Variants in TUBGCP3 observed in about 807,000 individuals in gnomAD.
TUBGCP3 encodes the protein tubulin gamma complex component 3.
A neutral mutation model predicts 123.1 loss-of-function variants in TUBGCP3; 50 were observed. The ratio of observed to expected loss-of-function variants is 0.41; its 90% CI spans 0.32 to 0.51. The LOEUF (loss-of-function observed/expected upper bound fraction) is 0.51. TUBGCP3 is among the 20% of genes least tolerant of loss of function. TUBGCP3 has a pLI of 0.36. For synonymous variants in TUBGCP3, 405 were observed against 413.9 expected (o/e 0.98, Z 0.26); for missense variants, 882 against 1,127.0 (o/e 0.78, Z 3.11).
upstream of TUBGCP3, among the ~76,000 whole-genome samples, chr13:112,588,474 G>A (rs1281986917): frequency 6.6e-6 from 1 of 152,144 alleles, no homozygotes; most frequent in Non-Finnish European, 1.5e-5. Flanking sequence ...GTTTAAAAAA[G>A]AAAAGAAAAA....
At chr13:112,490,017 G>A (rs775904788) in intron 20 of TUBGCP3, among the ~76,000 whole-genome samples, 130 of 150,592 alleles carry the variant, frequency 8.6e-4, no homozygotes, top group African/African-American at 2.9e-3. Flanking sequence ...TCCTTCCCTC[G>A]TGCTGTACAC....
chr13:112,489,435 G>A (rs1047366891), intron 21 of TUBGCP3, 146 bp downstream of exon 21: 1 of 684,882 alleles, frequency 1.5e-6, no homozygotes, highest in Non-Finnish European at 2.6e-6. Context: ...GAGGGTCACA[G>A]GGTCCACCAT....
chr13:112,489,666 T>C lies in TUBGCP3; in HGVS notation c.2480A>G (p.Glu827Gly). The C allele has an allele frequency of 1.9e-6, 3 of 1,614,190 alleles. No individual in the cohort carries two copies. The highest frequency in any genetic ancestry group is 2.5e-6 in the Non-Finnish European group (3 of 1,180,032). The change falls in exon 21 of 22, where the codon GAG (glutamate) becomes GGG (glycine). Residue 827 changes from glutamate to glycine, a missense_variant. This residue lies in a region of TUBGCP3 where 160 missense variants were observed against 220.3 expected (regional missense o/e 0.73). Transcript: ENST00000261965. ...TTCTCCAATCCTCTTATTTTCCTCC[T>C]CTTCCTCTGCTGCCGTCACTCCCCA... The part of the protein sequence containing the change: ...GQWGVTAAEE[E>G]EENKRIGEFK...
At chr13:112,535,690 G>A (rs1279779114) in intron 11 of TUBGCP3, among the ~76,000 whole-genome samples, 1 of 152,130 alleles carries the variant, frequency 6.6e-6, no homozygotes, top group Non-Finnish European at 1.5e-5. Flanking sequence ...CCATTATCAG[G>A]TAAGTGATTT....
At chr13:112,591,450 T>A (rs1265860310), upstream of TUBGCP3, among the ~76,000 whole-genome samples, 2 of 152,206 alleles carry the variant, frequency 1.3e-5, no homozygotes, top group Non-Finnish European at 2.9e-5. Context: ...ACTTCCTTCT[T>A]TTTGTCCCTA....
chr13:112,516,671 A>T, intron 16 of TUBGCP3, 96 bp from the exon 17 acceptor site: 1 of 1,400,936 alleles, frequency 7.1e-7, no homozygotes, highest in Non-Finnish European at 9.6e-7. Flanking sequence ...CATTTTAGCA[A>T]ACTATCATAA....
At chr13:112,600,002 T>A in the TUBGCP3 span, among the ~76,000 whole-genome samples, 1 of 152,186 alleles carries the variant, frequency 6.6e-6, no homozygotes, top group Non-Finnish European at 1.5e-5. Flanking sequence ...TATTAAAACA[T>A]GATTATTAAC....
chr13:112,599,313 A>G, the TUBGCP3 span, among the ~76,000 whole-genome samples: 13 of 152,200 alleles, frequency 8.5e-5, no homozygotes, highest in Non-Finnish European at 4.4e-5. Flanking sequence ...GCACACACCT[A>G]ATAAATGGGT....
At chr13:112,523,732 C>A (rs1378015432) in intron 13 of TUBGCP3, among the ~76,000 whole-genome samples, 1 of 152,196 alleles carries the variant, frequency 6.6e-6, no homozygotes, top group African/African-American at 2.4e-5. Flanking sequence ...AGACACAGAA[C>A]CCAGAGCCTC....
At position 112,578,263 on chromosome 13, in the gene TUBGCP3, A is replaced by G. The variant is rs145458642; in HGVS notation, c.77-9004T>C. On this transcript the variant is annotated intron_variant, in intron 1 of 21. Transcript: ENST00000261965. Reference sequence around the variant, plus strand: ...CCAGGATCGATTGTATCTTGAGTTAAAAGAACCTGCTCTCGGCCGGGCGCG... The same window carrying G: ...CCAGGATCGATTGTATCTTGAGTTAGAAGAACCTGCTCTCGGCCGGGCGCG... Among the ~76,000 whole-genome samples the G allele has an allele frequency of 1.5e-3, 234 of 152,226 alleles. 3 individuals carry two copies. In the East Asian group the frequency reaches 0.025, roughly 16 times the overall value.
At chr13:112,590,530 G>C (rs1227734082), upstream of TUBGCP3, among the ~76,000 whole-genome samples, 1 of 151,978 alleles carries the variant, frequency 6.6e-6, no homozygotes, top group Non-Finnish European at 1.5e-5. Flanking sequence ...AAAGATACAG[G>C]CACATCCTAG....
intron 13 of TUBGCP3, among the ~76,000 whole-genome samples, chr13:112,525,224 T>A (rs1876950586): frequency 6.6e-6 from 1 of 152,208 alleles, no homozygotes; most frequent in Admixed American, 6.5e-5. Flanking sequence ...CTTCTGCACT[T>A]CCATGCACAT....
At chr13:112,580,243 G>A (rs985488611) in intron 1 of TUBGCP3, among the ~76,000 whole-genome samples, 2 of 152,008 alleles carry the variant, frequency 1.3e-5, no homozygotes, top group African/African-American at 2.4e-5. Context: ...TAGCAGAATG[G>A]AGATACTAAA....
chr13:112,522,268 C>T lies in TUBGCP3; in HGVS notation c.1745+52G>A. 7 of 1,322,172 alleles carry T rather than the reference C, an allele frequency of 5.3e-6. No individual in the cohort carries two copies. The South Asian group carries it at 6.4e-5, about 12-fold the overall frequency. The allele number at this position is 1,322,172 out of a possible 1,614,324, so 81.9% of individuals were successfully genotyped here. ...ATTTATTCTTTTAAATACAAGATTC[C>T]TTATCATGTCAAATATATTACTTAT... On this transcript the variant is annotated intron_variant, in intron 14 of 21. Coordinates refer to ENST00000261965, the MANE Select transcript of TUBGCP3 (RefSeq NM_006322.6).
At chr13:112,525,049 A>G (rs918739515) in intron 13 of TUBGCP3, among the ~76,000 whole-genome samples, 3 of 152,164 alleles carry the variant, frequency 2.0e-5, no homozygotes, top group African/African-American at 7.2e-5. Flanking sequence ...CTGTTAAGAG[A>G]ACATCTGTCA....
intron 3 of TUBGCP3, 141 bp from the exon 4 acceptor site, chr13:112,559,540 T>C (rs1880326188): frequency 7.1e-6 from 5 of 701,422 alleles, no homozygotes; most frequent in African/African-American, 3.7e-5. Flanking sequence ...AATTCATAAG[T>C]ATTTTCAACA....
intron 13 of TUBGCP3, among the ~76,000 whole-genome samples, chr13:112,523,101 A>AT (rs1326625888): frequency 6.6e-6 from 1 of 152,250 alleles, no homozygotes; most frequent in Non-Finnish European, 1.5e-5. Flanking sequence ...GACTATACAC[A>AT]TAACAGAGCT....
At chr13:112,554,758 A>T in intron 7 of TUBGCP3, 129 bp downstream of exon 7, 1 of 629,706 alleles carries the variant, frequency 1.6e-6, no homozygotes, top group South Asian at 2.1e-5. Context: ...AGAATTCCAC[A>T]GTGCAATTTC....
At chr13:112,559,456 T>G (rs1880320191) in intron 3 of TUBGCP3, 57 bp from the exon 4 acceptor site, 1 of 1,378,840 alleles carries the variant, frequency 7.3e-7, no homozygotes, top group Non-Finnish European at 1.0e-6. Context: ...TCCAGCCTTA[T>G]TTTCCTCTTT....
Sources: allele counts gnomAD v4.1 joint callset (sites outside exome capture counted in the v4.1 genomes callset), GRCh38; gene constraint gnomAD v4.1.1; regional missense constraint gnomAD v4.1.1; transcripts MANE v1.5; gene names NCBI Gene and HGNC (gene_info 2026-07-23, HGNC 2026-07-21).